Variants in CSMD1 observed in about 807,000 individuals in gnomAD.
The protein encoded by CSMD1 is CUB and sushi domain-containing protein 1.
A neutral mutation model predicts 417.5 loss-of-function variants in CSMD1; 213 were observed. That is an observed-to-expected ratio of 0.51 (90% CI 0.46 to 0.57). The LOEUF (loss-of-function observed/expected upper bound fraction) is 0.57, where lower values mean the gene tolerates loss of function less well. Ranked by LOEUF, CSMD1 falls within the 20% of genes least tolerant of loss-of-function variation. The probability of loss-of-function intolerance (pLI) is 0.00; values close to 1 mark genes in which losing one functional copy is unlikely to be tolerated. For synonymous variants in CSMD1, 2,862 were observed against 1,736.8 expected, an observed-to-expected ratio of 1.65 and a Z score of -16.11; for missense variants, 6,923 against 4,529.7, an observed-to-expected ratio of 1.53 and a Z score of -15.17.
chr8:3,829,696 A>G (rs1433908187), intron 5 of CSMD1, among the ~76,000 whole-genome samples: 1 of 152,190 alleles, frequency 6.6e-6, no homozygotes, highest in Non-Finnish European at 1.5e-5. Context: ...CTTGAGAAAT[A>G]TTTGGTTGAA....
At position 3,108,586 on chromosome 8, in the gene CSMD1, A is replaced by AG; in HGVS notation, c.6754+16dup. The AG allele has an allele frequency of 6.2e-7, 1 of 1,612,906 alleles. No homozygotes were observed. Among genetic ancestry groups the AG allele is most frequent in the African/African-American group, 1.3e-5 (1 of 75,038 alleles). On this transcript the variant is annotated intron_variant, in intron 44 of 69. Coordinates refer to ENST00000635120, the MANE Select transcript of CSMD1 (RefSeq NM_033225.6). ...TGGAATTCTCAGTCTTAACTAACGG[A>AG]GTGAAAATCAACTGACCGTGGAAAT... is the stretch of plus-strand genomic sequence containing the variant.
intron 5 of CSMD1, among the ~76,000 whole-genome samples, chr8:3,918,414 T>G (rs929063522): frequency 1.3e-5 from 2 of 152,160 alleles, no homozygotes; most frequent in Non-Finnish European, 2.9e-5. Context: ...TATATTCTTG[T>G]GGTTTTGATT....
chr8:4,390,995 T>G (rs186599697), intron 3 of CSMD1, among the ~76,000 whole-genome samples: 34 of 152,290 alleles, frequency 2.2e-4, no homozygotes, highest in Non-Finnish European at 4.1e-4. Flanking sequence ...CATATGTGTG[T>G]TTGTACTTCA....
intron 5 of CSMD1, among the ~76,000 whole-genome samples, chr8:3,834,736 C>A (rs1457852207): frequency 6.6e-6 from 1 of 151,926 alleles, no homozygotes; most frequent in Admixed American, 6.6e-5. Context: ...CGGCTCCATT[C>A]TCGGAGGTGG....
At chr8:4,773,106 T>G (rs2164902) in intron 1 of CSMD1, among the ~76,000 whole-genome samples, 52,108 of 151,966 alleles carry the variant, frequency 0.34, 9,428 homozygotes, top group Admixed American at 0.48. Context: ...TTGGGAATAT[T>G]TGCATATATA....
rs138316630 is a variant in CSMD1, at chr8:3,346,775, C to G, written c.3474+1217G>C. ...TTTCTGCATATTCTCTTAGAAGTCT[C>G]ATAGTTCAAAGTGAGTTGACAATAC... On this transcript the variant is annotated intron_variant, in intron 22 of 69. Transcript: ENST00000635120. 3.9e-5 allele frequency among the ~76,000 whole-genome samples: 6 copies of G among 152,310 alleles called. No homozygotes were observed. The East Asian group carries it at 5.8e-4, about 15-fold the overall frequency.
chr8:4,057,487 T>C (rs1256789752), intron 3 of CSMD1, among the ~76,000 whole-genome samples: 4 of 152,206 alleles, frequency 2.6e-5, no homozygotes, highest in African/African-American at 9.7e-5. Flanking sequence ...GTAGGTTGCC[T>C]GTTCATTCTG....
At chr8:4,604,436 C>T (rs6990838) in intron 2 of CSMD1, among the ~76,000 whole-genome samples, 132,564 of 150,408 alleles carry the variant, frequency 0.88, 58,734 homozygotes, top group Non-Finnish European at 0.93. Context: ...CTAGGATCTC[C>T]AGGAAGGAAG....
At chr8:3,882,944 G>C (rs1806301930) in intron 5 of CSMD1, among the ~76,000 whole-genome samples, 1 of 152,110 alleles carries the variant, frequency 6.6e-6, no homozygotes, top group African/African-American at 2.4e-5. Flanking sequence ...TTGTACTGAA[G>C]TTTCACAAAC....
intron 7 of CSMD1, among the ~76,000 whole-genome samples, chr8:3,680,141 C>A (rs913878903): frequency 1.3e-5 from 2 of 151,896 alleles, no homozygotes; most frequent in Non-Finnish European, 2.9e-5. Context: ...GAAGCAAGAG[C>A]AAACACATTC....
chr8:4,566,326 A>T (rs1798603201), intron 2 of CSMD1, among the ~76,000 whole-genome samples: 1 of 152,138 alleles, frequency 6.6e-6, no homozygotes, highest in African/African-American at 2.4e-5. Flanking sequence ...CTCATTATTA[A>T]ATGTATGACA....
intron 5 of CSMD1, among the ~76,000 whole-genome samples, chr8:3,769,753 G>A (rs1037409978): frequency 3.9e-5 from 6 of 152,062 alleles, no homozygotes; most frequent in Admixed American, 6.6e-5. Flanking sequence ...TCCTGCTATG[G>A]CAATTTGGTA....
intron 25 of CSMD1, among the ~76,000 whole-genome samples, chr8:3,302,811 G>A (rs999877281): frequency 6.6e-6 from 1 of 152,190 alleles, no homozygotes; most frequent in Non-Finnish European, 1.5e-5. Context: ...CAGCTGAAAT[G>A]TGAGTGGTAT....
chr8:4,679,567 C>A (rs1805908454), intron 1 of CSMD1, among the ~76,000 whole-genome samples: 1 of 152,090 alleles, frequency 6.6e-6, no homozygotes, highest in Non-Finnish European at 1.5e-5. Context: ...TAATTTTTTT[C>A]ACACTATGAA....
At chr8:3,540,172 G>C (rs1362087970) in intron 10 of CSMD1, among the ~76,000 whole-genome samples, 2 of 152,044 alleles carry the variant, frequency 1.3e-5, no homozygotes, top group Non-Finnish European at 2.9e-5. Context: ...CACAGTGACA[G>C]TTTAGTCTTG....
intron 11 of CSMD1, among the ~76,000 whole-genome samples, chr8:3,491,316 A>T (rs907880802): frequency 1.3e-5 from 2 of 152,268 alleles, no homozygotes; most frequent in African/African-American, 2.4e-5. Context: ...ACCTATCAAA[A>T]CTTCAGCTTC....
At position 4,931,400 on chromosome 8, in the gene CSMD1, C is replaced by A. The variant is rs530621382; in HGVS notation, c.85+62932G>T. ...TTTAGCTAATACTTCCTGAGTGACA[C>A]TGACTCGGGTCTTTGCTGGCTGGTT... On this transcript the variant is annotated intron_variant, in intron 1 of 69. Coordinates refer to ENST00000635120, the MANE Select transcript of CSMD1 (RefSeq NM_033225.6). Among the ~76,000 whole-genome samples, 9 of 152,284 alleles carry A rather than the reference C, an allele frequency of 5.9e-5. No individual in the cohort carries two copies. The East Asian group carries it at 9.6e-4, about 16-fold the overall frequency.
intron 1 of CSMD1, among the ~76,000 whole-genome samples, chr8:4,713,157 G>A (rs924745532): frequency 2.0e-5 from 3 of 152,174 alleles, no homozygotes; most frequent in Non-Finnish European, 2.9e-5. Flanking sequence ...ATGCAAATGT[G>A]TTCCCCGGGT....
rs972198384 is a variant in CSMD1, at chr8:2,938,330, T to C, written c.*255A>G. The C allele has an allele frequency of 7.2e-6, 3 of 416,088 alleles. No homozygotes were observed. The East Asian group carries it at 1.1e-4, about 16-fold the overall frequency. 25.8% of individuals were successfully genotyped at this position (416,088 alleles called of 1,614,324 possible). A position where few individuals can be genotyped will look rare whatever the true frequency, so the allele number is the denominator to read the frequency against. The stretch of plus-strand genomic sequence containing the variant: ...GCGCGACGTGGCAGTCTTCCTGGAG[T>C]GTGCCTTGATTTCATACAGATGCAG... On this transcript the variant is annotated 3_prime_UTR_variant, in exon 70 of 70. Coordinates refer to ENST00000635120, the MANE Select transcript of CSMD1 (RefSeq NM_033225.6).
Sources: allele counts gnomAD v4.1 joint callset (sites outside exome capture counted in the v4.1 genomes callset), GRCh38; gene constraint gnomAD v4.1.1; transcripts MANE v1.5; gene names NCBI Gene and HGNC (gene_info 2026-07-23, HGNC 2026-07-21).